Variants in FAT2 observed in about 807,000 individuals in gnomAD.
The protein encoded by FAT2 is FAT atypical cadherin 2, also known as protocadherin Fat 2.
In FAT2, 150 loss-of-function variants were observed where a neutral mutation model predicts 295.3. The ratio of observed to expected loss-of-function variants is 0.51; its 90% CI spans 0.44 to 0.58. The LOEUF (loss-of-function observed/expected upper bound fraction) is 0.58. Among genes scored for constraint, FAT2 ranks in the 20% least tolerant of loss-of-function variants. FAT2 has a pLI of 0.00. For synonymous variants in FAT2, 2,026 were observed against 2,150.3 expected (o/e 0.94, Z 1.60); for missense variants, 4,868 against 5,442.7 (o/e 0.89, Z 3.32).
chr5:151,566,696 A>T lies in FAT2; in HGVS notation c.2236T>A (p.Phe746Ile). The stretch of plus-strand genomic sequence containing the variant: ...ATCACATAGACCAGTTTGCCATTAA[A>T]ACCAGCATCAGGGTCAGTGGCTGCT... ...RLAATDPDAG[F>I]NGKLVYVIAD... The change falls in exon 2 of 24, where the codon TTT becomes ATT. Residue 746 changes from phenylalanine (F) to isoleucine (I), a missense_variant. Around this residue, in one of 5 missense-constraint regions of FAT2, gnomAD observed 3,297 missense variants for 3,669.4 expected, o/e 0.90. Transcript: ENST00000261800. 3 of 1,614,138 alleles carry T rather than the reference A, an allele frequency of 1.9e-6. No homozygotes were observed. The highest frequency in any genetic ancestry group is 2.5e-6 in the Non-Finnish European group (3 of 1,180,020).
At position 151,567,471 on chromosome 5, in the gene FAT2, A is replaced by G; in HGVS notation, c.1461T>C (p.His487=). The change falls in exon 2 of 24, where the codon CAT becomes CAC. Residue 487 remains histidine, a synonymous_variant. Transcript: ENST00000261800. ...VLAVTATDRD[H]GENGYVTYSI... is the part of the protein sequence containing the mutation. ...AATAGGTGACATATCCATTTTCCCCATGATCCCGGTCAGTGGCAGTCACAG... is the reference window on the plus strand; with the variant it reads ...AATAGGTGACATATCCATTTTCCCCGTGATCCCGGTCAGTGGCAGTCACAG... 1 of 1,614,142 alleles carries G rather than the reference A, an allele frequency of 6.2e-7. No homozygotes were observed. The highest frequency in any genetic ancestry group is 8.5e-7 in the Non-Finnish European group (1 of 1,180,006).
intron 2 of FAT2, among the ~76,000 whole-genome samples, chr5:151,564,727 A>G (rs1272243085): frequency 2.6e-5 from 4 of 152,180 alleles, no homozygotes. Flanking sequence ...ATTTGGAAAT[A>G]CTTATTAACA....
chr5:151,575,068 G>C (rs1380590419), intron 1 of FAT2, among the ~76,000 whole-genome samples: 1 of 152,254 alleles, frequency 6.6e-6, no homozygotes. Flanking sequence ...TAATGGCTCA[G>C]TAAATGGCAG....
At chr5:151,550,074 A>G (rs1757038692) in intron 8 of FAT2, among the ~76,000 whole-genome samples, 1 of 152,216 alleles carries the variant, frequency 6.6e-6, no homozygotes, top group Non-Finnish European at 1.5e-5. Flanking sequence ...AAGATGAGAC[A>G]AATGGGCAGG....
intron 11 of FAT2, among the ~76,000 whole-genome samples, chr5:151,539,875 C>A (rs1755923441): frequency 6.6e-6 from 1 of 152,184 alleles, no homozygotes; most frequent in Non-Finnish European, 1.5e-5. Context: ...AGGAAAGTAT[C>A]CCTCACCAAA....
intron 21 of FAT2, chr5:151,511,047 A>T (rs1334601902): frequency 6.6e-6 from 1 of 152,412 alleles, no homozygotes; most frequent in Non-Finnish European, 1.5e-5. Flanking sequence ...GTGCTGGATA[A>T]AGATCACCCC....
chr5:151,510,078 C>T lies in FAT2; in HGVS notation c.12002G>A (p.Cys4001Tyr), dbSNP rs2127567893. The T allele has an allele frequency of 1.2e-6, 2 of 1,614,174 alleles. No homozygotes were observed. Among genetic ancestry groups the T allele is most frequent in the Non-Finnish European group, 1.7e-6 (2 of 1,180,016 alleles). ...GGAAGCTCCTTTGGGGGAGAGGATG[C>T]AAGTTCCACCTTCCAGGCAGGGTGC... is the stretch of plus-strand genomic sequence containing the variant. The part of the protein sequence containing the change: ...TFAPCLEGGT[C>Y]ILSPKGASCN... The change falls in exon 22 of 24, where the codon TGC (cysteine) becomes TAC (tyrosine). Residue 4001 changes from cysteine to tyrosine, a missense_variant. Cys to Tyr is a radical substitution (Grantham distance 194, BLOSUM62 -2). This residue lies in a region of FAT2 where 492 missense variants were observed against 482.6 expected (regional missense o/e 1.02). Coordinates refer to ENST00000261800, the MANE Select transcript of FAT2 (RefSeq NM_001447.3).
chr5:151,505,536 C>T lies in FAT2; in HGVS notation c.*29G>A. 6.2e-7 allele frequency: 1 copy of T among 1,613,268 alleles called. No homozygotes were observed. The highest frequency in any genetic ancestry group is 1.1e-5 in the South Asian group (1 of 91,026). On this transcript the variant is annotated 3_prime_UTR_variant, in exon 24 of 24. Transcript: ENST00000261800. The stretch of plus-strand genomic sequence containing the variant: ...ATAAGCCAAGTCCAGTCCTTGGCCT[C>T]CCGCCTGCCTTGCTCTGGGAATGGG...
At chr5:151,565,587 T>C in intron 2 of FAT2, 86 bp downstream of exon 2, 1 of 1,383,790 alleles carries the variant, frequency 7.2e-7, no homozygotes, top group Non-Finnish European at 9.6e-7. Context: ...CTGACTCCTT[T>C]TTCCTTCAGC....
In FAT2 at chr5:151,546,090, G is replaced by A. The variant is rs2127613873; in HGVS notation, c.5037C>T (p.Ile1679=). The A allele has an allele frequency of 1.2e-6, 2 of 1,614,154 alleles. No homozygotes were observed. The highest frequency in any genetic ancestry group is 1.7e-6 in the Non-Finnish European group (2 of 1,180,022). Residue 1679 remains isoleucine (I), a synonymous_variant, in exon 10 of 24, where the codon ATC becomes ATT. Coordinates refer to ENST00000261800, the MANE Select transcript of FAT2 (RefSeq NM_001447.3). The stretch of plus-strand genomic sequence containing the variant: ...AGGGGCTCATAGCAGAGACAAGGAG[G>A]ATTGGGGAACCAACAGGGATTGATT... ...IPESIPVGSP[I]LLVSAMSPSE...
At chr5:151,526,293 A>T (rs1205423067) in intron 17 of FAT2, among the ~76,000 whole-genome samples, 1 of 152,226 alleles carries the variant, frequency 6.6e-6, no homozygotes, top group African/African-American at 2.4e-5. Context: ...TGAATCATGT[A>T]TTTAAATTAG....
At chr5:151,589,329 G>T (rs896568619) in intron 1 of FAT2, among the ~76,000 whole-genome samples, 1 of 152,178 alleles carries the variant, frequency 6.6e-6, no homozygotes, top group Non-Finnish European at 1.5e-5. Context: ...GTGCCACACA[G>T]CCTGTCATAA....
In FAT2 at chr5:151,506,024, T is replaced by A. The variant is rs566106868; in HGVS notation, c.12591A>T (p.Glu4197Asp). ...AGGGCGGCAGAGGGCCCTGAGTCAC[T>A]TCGGAGTGGGGGTATTCCCAGCGTT... ...RNERWEYPHS[E>D]VTQGPLPPSA... Residue 4197 changes from glutamate to aspartate, a missense_variant, in exon 24 of 24, where the codon GAA becomes GAT. Coordinates refer to ENST00000261800, the MANE Select transcript of FAT2 (RefSeq NM_001447.3). 1 of 1,572,856 alleles carries A rather than the reference T, an allele frequency of 6.4e-7. No individual in the cohort carries two copies. Among genetic ancestry groups the A allele is most frequent in the South Asian group, 1.2e-5 (1 of 83,586 alleles).
intron 11 of FAT2, among the ~76,000 whole-genome samples, chr5:151,538,147 G>C (rs1490364287): frequency 6.6e-6 from 1 of 152,040 alleles, no homozygotes; most frequent in Non-Finnish European, 1.5e-5. Context: ...AGAGGAGGTA[G>C]AATAAGATGA....
In FAT2 at chr5:151,505,892, G is replaced by C. The variant is rs199880355; in HGVS notation, c.12723C>G (p.Pro4241=). Residue 4241 remains proline, a synonymous_variant, in exon 24 of 24, where the codon CCC becomes CCG. Coordinates refer to ENST00000261800, the MANE Select transcript of FAT2 (RefSeq NM_001447.3). The stretch of plus-strand genomic sequence containing the variant: ...CTTCCAGGTTCTGGTTGCTGTAACG[G>C]GGTGGGAGAGGTGCCCGCTTGTTTT... ...EMENKRAPLP[P]RYSNQNLEDL... The C allele has an allele frequency of 4.7e-5, 75 of 1,598,394 alleles. 1 individual carries two copies. The East Asian group carries it at 1.6e-3, about 34-fold the overall frequency.
chr5:151,556,509 A>T, intron 3 of FAT2, 107 bp from the exon 4 acceptor site: 1 of 737,940 alleles, frequency 1.4e-6, no homozygotes, highest in East Asian at 2.5e-5. Flanking sequence ...AATTCTTCTG[A>T]TCTTTGAAGA....
intron 1 of FAT2, among the ~76,000 whole-genome samples, chr5:151,587,908 T>C (rs1759240677): frequency 6.6e-6 from 1 of 152,206 alleles, no homozygotes; most frequent in Non-Finnish European, 1.5e-5. Context: ...GGGCCTAACC[T>C]GGTGACCTGC....
In FAT2 at chr5:151,518,136, G is replaced by A. The variant is rs143110255; in HGVS notation, c.11318-371C>T. Among the ~76,000 whole-genome samples, 34 of 152,216 alleles carry A rather than the reference G, an allele frequency of 2.2e-4. No homozygotes were observed. The East Asian group carries it at 4.3e-3, about 19-fold the overall frequency. ...ACCTGAACCCAGAAGTTCGAGACCAGCCTGGGCAACAGAGCAAGACCTCAT... is the reference window on the plus strand; with the variant it reads ...ACCTGAACCCAGAAGTTCGAGACCAACCTGGGCAACAGAGCAAGACCTCAT... On this transcript the variant is annotated intron_variant, in intron 19 of 23. Transcript: ENST00000261800.
intron 11 of FAT2, among the ~76,000 whole-genome samples, chr5:151,538,480 G>A (rs1755727141): frequency 6.6e-6 from 1 of 152,116 alleles, no homozygotes; most frequent in Non-Finnish European, 1.5e-5. Context: ...CCCATCGCTT[G>A]GCCCACCCTC....
Sources: gnomAD v4.1 joint callset for allele counts (sites outside exome capture counted in the v4.1 genomes callset) on GRCh38, gnomAD v4.1.1 for gene constraint, gnomAD v4.1.1 regional missense constraint, MANE v1.5 for transcripts, NCBI Gene and HGNC (gene_info 2026-07-23, HGNC 2026-07-21) for gene names.